Variants in DUS2 observed in about 807,000 individuals in gnomAD.
DUS2 encodes the protein dihydrouridine synthase 2, also known as tRNA-dihydrouridine(20) synthase [NAD(P)+]-like.
In DUS2, 52 loss-of-function variants were observed where a neutral mutation model predicts 71.3. The observed-to-expected ratio is 0.73, with a 90% CI of 0.58 to 0.92. The LOEUF (loss-of-function observed/expected upper bound fraction) is 0.92. Ranked by LOEUF, DUS2 falls within the 40% of genes least tolerant of loss-of-function variation. The pLI is 0.00. For synonymous variants in DUS2, 204 were observed against 227.8 expected, an observed-to-expected ratio of 0.90 and a Z score of 0.94; for missense variants, 558 against 622.6, an observed-to-expected ratio of 0.90 and a Z score of 1.10.
chr16:68,054,418 C>G lies in DUS2; in HGVS notation c.265-156C>G, dbSNP rs949165463. On this transcript the variant is annotated intron_variant, in intron 5 of 16. Coordinates refer to ENST00000565263, the MANE Select transcript of DUS2 (RefSeq NM_017803.5). ...TCCACCTTTTTCTGCTGGCAGTGAG[C>G]TAGTCTAGTGGGCTGGCTGTTTAAG... Among the ~76,000 whole-genome samples the G allele has an allele frequency of 1.9e-4, 29 of 152,152 alleles. 1 individual carries two copies.
chr16:68,046,355 G>A (rs2033701071), intron 3 of DUS2, among the ~76,000 whole-genome samples: 1 of 151,782 alleles, frequency 6.6e-6, no homozygotes, highest in Non-Finnish European at 1.5e-5. Context: ...CTGCATCTAT[G>A]TTGCTGTAAA....
intron 2 of DUS2, among the ~76,000 whole-genome samples, chr16:68,028,950 AG>A (rs2033398212): frequency 6.6e-6 from 1 of 152,124 alleles, no homozygotes; most frequent in Non-Finnish European, 1.5e-5. Context: ...GCCTGATTCC[AG>A]CACTTCAGAA....
At chr16:68,049,670 C>G (rs891012612) in intron 4 of DUS2, 120 bp downstream of exon 4, 1 of 908,434 alleles carries the variant, frequency 1.1e-6, no homozygotes, top group Non-Finnish European at 1.8e-6. Flanking sequence ...TTCTATAGAT[C>G]ACATGCTCCC....
At chr16:68,037,817 A>G (rs896874930) in intron 2 of DUS2, 189 bp from the exon 3 acceptor site, 21 of 504,850 alleles carry the variant, frequency 4.2e-5, no homozygotes, top group African/African-American at 3.1e-4. Context: ...CCTGCACTAC[A>G]CTGCACTCCA....
At chr16:68,023,713 C>T (rs931036388) in intron 1 of DUS2, 3 of 168,178 alleles carry the variant, frequency 1.8e-5, no homozygotes, top group African/African-American at 7.2e-5. Context: ...AACCCCTCAC[C>T]CTCTCTGTCT....
In DUS2 at chr16:68,057,503, CAGG is replaced by C. The variant is rs752553141; in HGVS notation, c.369+1084_369+1086del. Among the ~76,000 whole-genome samples, 31 of 151,462 alleles carry C rather than the reference CAGG, an allele frequency of 2.0e-4. No homozygotes were observed. In the East Asian group the frequency reaches 2.9e-3, roughly 14 times the overall value. ...ATCCTAGCAATTTGGGAGGCTGATG[CAGG>C]AGGATCACTTGATCCCAGGAGATTG... On this transcript the variant is annotated intron_variant, in intron 7 of 16. Coordinates refer to ENST00000565263, the MANE Select transcript of DUS2 (RefSeq NM_017803.5).
chr16:68,023,319 A>C lies in DUS2; in HGVS notation c.-131A>C. The C allele has an allele frequency of 1.6e-6, 2 of 1,251,558 alleles. No individual in the cohort carries two copies. Among genetic ancestry groups the C allele is most frequent in the South Asian group, 3.1e-5 (2 of 64,948 alleles). 77.5% of individuals were successfully genotyped at this position (1,251,558 alleles called of 1,614,324 possible). ...GTGGAGCTGGAGCACCGTGAGGAAGAAGCGAGGTTCTTTTTAAGAGTTCAG... is the reference window on the plus strand; with the variant it reads ...GTGGAGCTGGAGCACCGTGAGGAAGCAGCGAGGTTCTTTTTAAGAGTTCAG... On this transcript the variant is annotated 5_prime_UTR_variant, in exon 1 of 17. Transcript: ENST00000565263.
chr16:68,047,070 T>G (rs1221633376), intron 3 of DUS2, among the ~76,000 whole-genome samples: 17 of 141,780 alleles, frequency 1.2e-4, no homozygotes, highest in Non-Finnish European at 1.5e-4. Flanking sequence ...TTTTTTTTTT[T>G]TTTTGAGATG....
At position 68,053,600 on chromosome 16, in the gene DUS2, A is replaced by G. The variant is rs1320336664; in HGVS notation, c.209A>G (p.Asp70Gly). 1.2e-6 allele frequency: 2 copies of G among 1,614,056 alleles called. No individual in the cohort carries two copies. Among genetic ancestry groups the G allele is most frequent in the African/African-American group, 2.7e-5 (2 of 74,926 alleles). ...LSTVDFVAPD[D>G]RVVFRTCERE... ...ACAGTGGACTTTGTCGCCCCTGATGATCGAGTTGTCTTCCGCACCTGTGAA... is the reference window on the plus strand; with the variant it reads ...ACAGTGGACTTTGTCGCCCCTGATGGTCGAGTTGTCTTCCGCACCTGTGAA... The change falls in exon 5 of 17, where the codon GAT becomes GGT. Residue 70 changes from aspartate to glycine, a missense_variant. By Grantham distance (94) the Asp-to-Gly change is moderately conservative (BLOSUM62 -1). Transcript: ENST00000565263.
At chr16:68,050,413 G>A (rs961430488) in intron 4 of DUS2, among the ~76,000 whole-genome samples, 8 of 152,130 alleles carry the variant, frequency 5.3e-5, no homozygotes, top group Non-Finnish European at 1.0e-4. Flanking sequence ...TGGAATTACA[G>A]GTGTGAGCCA....
At chr16:68,040,489 T>C (rs2033606920) in intron 3 of DUS2, among the ~76,000 whole-genome samples, 1 of 152,220 alleles carries the variant, frequency 6.6e-6, no homozygotes, top group South Asian at 2.1e-4. Context: ...CTAGTAAATG[T>C]GCCCATTCCT....
intron 3 of DUS2, among the ~76,000 whole-genome samples, chr16:68,047,601 A>G (rs2033723453): frequency 6.6e-6 from 1 of 151,660 alleles, no homozygotes; most frequent in Non-Finnish European, 1.5e-5. Flanking sequence ...CTCCTGCCTC[A>G]GCCTCCTGAG....
chr16:68,068,584 C>CTTTT (rs59827856), intron 10 of DUS2, among the ~76,000 whole-genome samples: 5 of 67,266 alleles, frequency 7.4e-5, no homozygotes, highest in Admixed American at 1.8e-4. Flanking sequence ...CTTTCTCTCT[C>CTTTT]TTTTTTTTTT....
chr16:68,023,461 C>G, intron 1 of DUS2, 110 bp downstream of exon 1: 2 of 534,080 alleles, frequency 3.7e-6, no homozygotes, highest in South Asian at 2.6e-5. Context: ...GCAGTGGGGC[C>G]TTGACCCAAT....
intron 12 of DUS2, among the ~76,000 whole-genome samples, chr16:68,073,512 C>T (rs932401575): frequency 2.0e-5 from 3 of 150,384 alleles, no homozygotes; most frequent in African/African-American, 4.9e-5. Context: ...TGCAGTGGCA[C>T]GATCTTGGCT....
chr16:68,057,073 TATAAATATATA>T (rs1182129075), intron 7 of DUS2, among the ~76,000 whole-genome samples: 2 of 133,282 alleles, frequency 1.5e-5, no homozygotes, highest in Non-Finnish European at 3.1e-5. Flanking sequence ...ATATATATGT[TATAAATATATA>T]ATATATAATT....
rs137949778 is a variant in DUS2 at position 68,041,092 on chromosome 16, G to A, written c.126+2943G>A. ...CAAAAATACAAAAAATTAGCTGTAC[G>A]CGGTGGTGCACACCTGTAGTCCCAG... On this transcript the variant is annotated intron_variant, in intron 3 of 16. Coordinates refer to ENST00000565263, the MANE Select transcript of DUS2 (RefSeq NM_017803.5). Among the ~76,000 whole-genome samples, 941 of 152,228 alleles carry A rather than the reference G, an allele frequency of 6.2e-3. 7 individuals carry two copies. Among genetic ancestry groups the A allele is most frequent in the African/African-American group, 0.021 (857 of 41,546 alleles).
intron 8 of DUS2, among the ~76,000 whole-genome samples, chr16:68,065,368 G>GC (rs148780009): frequency 0.16 from 24,032 of 148,726 alleles, 2,305 homozygotes; most frequent in African/African-American, 0.27. Context: ...GAAGCTGTCT[G>GC]CCCCCCCGCT....
At chr16:68,026,914 T>G (rs2151406582) in intron 2 of DUS2, 1 of 150,570 alleles carries the variant, frequency 6.6e-6, no homozygotes, top group African/African-American at 2.4e-5. Context: ...TATGGCCATG[T>G]TACCCTTTGA....
Sources: allele counts gnomAD v4.1 joint callset (sites outside exome capture counted in the v4.1 genomes callset), GRCh38; gene constraint gnomAD v4.1.1; transcripts MANE v1.5; gene names NCBI Gene and HGNC (gene_info 2026-07-23, HGNC 2026-07-21).